COL4A5: variants seen among roughly 807,000 people sequenced by gnomAD.
COL4A5 encodes the protein collagen alpha-5(IV) chain.
COL4A5 carries 26 observed loss-of-function variants against 130.2 expected under a neutral mutation model. The ratio of observed to expected loss-of-function variants is 0.20; its 90% CI spans 0.15 to 0.28. COL4A5 has a LOEUF of 0.28. Ranked by LOEUF, COL4A5 falls within the 10% of genes least tolerant of loss-of-function variation. The probability of loss-of-function intolerance (pLI) is 1.00; values close to 1 mark genes in which losing one functional copy is unlikely to be tolerated. For synonymous variants in COL4A5, 496 were observed against 439.6 expected (o/e 1.13, Z -1.60); for missense variants, 1,131 against 1,344.3 (o/e 0.84, Z 2.48).
intron 2 of COL4A5, among the ~76,000 whole-genome samples, chrX:108,544,469 G>A (rs1481917073): frequency 1.1e-4 from 12 of 111,548 alleles, no homozygotes; most frequent in African/African-American, 3.3e-4. Flanking sequence ...CCACTTGATC[G>A]TGGTGGATAA....
chrX:108,668,865 T>G (rs1321983261), intron 41 of COL4A5, among the ~76,000 whole-genome samples: 1 of 112,235 alleles, frequency 8.9e-6, no homozygotes, highest in African/African-American at 3.2e-5. Context: ...AAATGTGAGC[T>G]TCTCAGCATG....
chrX:108,582,016 G>T (rs28662471), intron 16 of COL4A5, among the ~76,000 whole-genome samples: 11,349 of 109,773 alleles, frequency 0.1, 1,301 homozygotes, highest in African/African-American at 0.33. Context: ...AAGAGTATCC[G>T]CAGTAGGCAA....
At chrX:108,661,443 C>T (rs187286971) in intron 37 of COL4A5, among the ~76,000 whole-genome samples, 4 of 111,764 alleles carry the variant, frequency 3.6e-5, no homozygotes, top group African/African-American at 1.3e-4. Flanking sequence ...TAAGAGTTAT[C>T]ATATTTTTCC....
chrX:108,539,006 A>C (rs1453952251), intron 1 of COL4A5, among the ~76,000 whole-genome samples: 1 of 111,549 alleles, frequency 9.0e-6, no homozygotes, highest in Non-Finnish European at 1.9e-5. Context: ...GTGATGAAGG[A>C]GTAGGAGCAA....
intron 3 of COL4A5, 83 bp downstream of exon 3, chrX:108,559,236 G>C: frequency 1.1e-5 from 8 of 710,226 alleles, no homozygotes; most frequent in Non-Finnish European, 1.8e-5. Flanking sequence ...CAACTAAAAA[G>C]TTACTGAATT....
At chrX:108,461,854 A>G (rs1268327921) in intron 1 of COL4A5, among the ~76,000 whole-genome samples, 1 of 111,857 alleles carries the variant, frequency 8.9e-6, no homozygotes, top group African/African-American at 3.2e-5. Flanking sequence ...CTTGGCCTCC[A>G]AAAGTGCTGG....
chrX:108,622,516 G>C (rs1257061078), intron 32 of COL4A5, among the ~76,000 whole-genome samples, 160 bp from the exon 33 acceptor site: 1 of 112,586 alleles, frequency 8.9e-6, no homozygotes, highest in Non-Finnish European at 1.9e-5. Flanking sequence ...GTATAAAAAT[G>C]TGTATGCACT....
chrX:108,526,593 CTCCTTTCT>C (rs1485940881), intron 1 of COL4A5, among the ~76,000 whole-genome samples: 60 of 45,110 alleles, frequency 1.3e-3, no homozygotes, highest in African/African-American at 5.9e-3. Context: ...CCCTCCCTCC[CTCCTTTCT>C]TTCTTTCTTT....
intron 2 of COL4A5, among the ~76,000 whole-genome samples, chrX:108,545,979 C>T (rs968544261): frequency 9.0e-6 from 1 of 111,600 alleles, no homozygotes; most frequent in Non-Finnish European, 1.9e-5. Context: ...TCCTCCATCC[C>T]ATTATTTTGA....
At chrX:108,450,295 T>G (rs769898601) in intron 1 of COL4A5, among the ~76,000 whole-genome samples, 2 of 111,957 alleles carry the variant, frequency 1.8e-5, no homozygotes, top group East Asian at 5.6e-4. Flanking sequence ...GGTCTTGCTG[T>G]GTTGCCCCAG....
intron 1 of COL4A5, among the ~76,000 whole-genome samples, chrX:108,474,105 T>G (rs901699984): frequency 9.0e-6 from 1 of 111,324 alleles, no homozygotes; most frequent in Non-Finnish European, 1.9e-5. Context: ...GTAGCCTAAG[T>G]GTACAGGGTT....
chrX:108,625,889 A>G, intron 35 of COL4A5, 95 bp downstream of exon 35: 1 of 646,113 alleles, frequency 1.5e-6, no homozygotes, highest in South Asian at 2.3e-5. Context: ...TGTTGATAGA[A>G]TCAGACTGAA....
At chrX:108,642,647 C>T (rs1232552761) in intron 36 of COL4A5, among the ~76,000 whole-genome samples, 1 of 109,763 alleles carries the variant, frequency 9.1e-6, no homozygotes, top group Non-Finnish European at 1.9e-5. Context: ...ATAATCACTG[C>T]AGTGCCCCTC....
chrX:108,669,767 G>A (rs183806962), intron 41 of COL4A5, among the ~76,000 whole-genome samples: 3 of 111,474 alleles, frequency 2.7e-5, no homozygotes, highest in Non-Finnish European at 3.8e-5. Context: ...GAAATTTGTC[G>A]GTATGAAGCC....
chrX:108,624,146 A>G, intron 33 of COL4A5, 90 bp from the exon 34 acceptor site: 1 of 671,421 alleles, frequency 1.5e-6, no homozygotes, highest in Non-Finnish European at 2.4e-6. Flanking sequence ...ATTCACTTAT[A>G]GTTTAACACT....
intron 1 of COL4A5, among the ~76,000 whole-genome samples, chrX:108,476,301 T>G (rs1408594009): frequency 9.0e-6 from 1 of 110,851 alleles, no homozygotes; most frequent in African/African-American, 3.3e-5. Flanking sequence ...GGGTACATAG[T>G]AGGTATATTT....
intron 1 of COL4A5, among the ~76,000 whole-genome samples, chrX:108,443,270 T>TA (rs762395629): frequency 8.9e-6 from 1 of 112,227 alleles, no homozygotes; most frequent in East Asian, 2.8e-4. Context: ...TAAAAGCAAA[T>TA]GCTGTTGAAG....
At chrX:108,498,862 G>A (rs748486462) in intron 1 of COL4A5, among the ~76,000 whole-genome samples, 3 of 110,811 alleles carry the variant, frequency 2.7e-5, no homozygotes, top group Non-Finnish European at 5.7e-5. Context: ...TATACTGTGA[G>A]TATACAAAAT....
chrX:108,526,590 TCCCTC>T (rs1569481107), intron 1 of COL4A5, among the ~76,000 whole-genome samples: 10 of 48,150 alleles, frequency 2.1e-4, no homozygotes, highest in African/African-American at 1.2e-3. Context: ...CCTCCCTCCC[TCCCTC>T]CTTTCTTTCT....
Sources: allele counts gnomAD v4.1 joint callset (sites outside exome capture counted in the v4.1 genomes callset), GRCh38; gene constraint gnomAD v4.1.1; transcripts MANE v1.5; gene names NCBI Gene and HGNC (gene_info 2026-07-23, HGNC 2026-07-21).